DNAH9: variants seen among roughly 807,000 people sequenced by gnomAD.
DNAH9 encodes the protein dynein axonemal heavy chain 9, also known as DNAH9 variant protein.
Under a neutral mutation model 471.6 loss-of-function variants are expected in DNAH9, and 345 were observed. The ratio of observed to expected loss-of-function variants is 0.73; its 90% CI spans 0.67 to 0.80. The LOEUF (loss-of-function observed/expected upper bound fraction) is 0.80. Among genes scored for constraint, DNAH9 ranks in the 30% least tolerant of loss-of-function variants. DNAH9 has a pLI of 0.00. For synonymous variants in DNAH9, 2,093 were observed against 2,123.6 expected, an observed-to-expected ratio of 0.99 and a Z score of 0.40; for missense variants, 5,407 against 5,609.2, an observed-to-expected ratio of 0.96 and a Z score of 1.15.
chr17:11,703,090 CAAA>C (rs535913798), intron 24 of DNAH9, among the ~76,000 whole-genome samples: 3 of 87,854 alleles, frequency 3.4e-5, no homozygotes, highest in Non-Finnish European at 2.4e-5. Context: ...GAGACTGTCT[CAAA>C]AAAAAAAAAA....
intron 61 of DNAH9, among the ~76,000 whole-genome samples, chr17:11,918,647 G>A (rs971823575): frequency 1.3e-5 from 2 of 152,206 alleles, no homozygotes; most frequent in Non-Finnish European, 2.9e-5. Flanking sequence ...ACTGATTTGT[G>A]CATGTGCTGG....
Position 11,768,485 on chromosome 17 carries a change from G to C in DNAH9, c.7203G>C (p.Trp2401Cys), listed in dbSNP as rs1248484634. 2.5e-6 allele frequency: 4 copies of C among 1,613,976 alleles called. No individual in the cohort carries two copies. Among genetic ancestry groups the C allele is most frequent in the Non-Finnish European group, 3.4e-6 (4 of 1,179,966 alleles). ...LVDYRAEFSK[W>C]WLTEFKTVKF... The stretch of plus-strand genomic sequence containing the variant: ...ACTACCGGGCAGAGTTCAGCAAATG[G>C]TGGCTGACTGAGTTCAAAACAGTCA... The change falls in exon 37 of 69, where the codon TGG becomes TGC. Residue 2401 changes from tryptophan to cysteine, a missense_variant. Transcript: ENST00000262442.
At chr17:11,963,430 G>A (rs1053173397) in intron 68 of DNAH9, among the ~76,000 whole-genome samples, 35 of 149,688 alleles carry the variant, frequency 2.3e-4, no homozygotes, top group South Asian at 1.7e-3. Context: ...GCAAAACTCC[G>A]TCTCAAAAAA....
intron 51 of DNAH9, 137 bp from the exon 52 acceptor site, chr17:11,871,461 A>G (rs769822129): frequency 4.1e-6 from 3 of 737,574 alleles, no homozygotes; most frequent in Non-Finnish European, 6.8e-6. Context: ...ATCCCCATTA[A>G]CGGAAAGGGC....
chr17:11,667,046 A>G (rs945683143), intron 15 of DNAH9, among the ~76,000 whole-genome samples: 1 of 152,198 alleles, frequency 6.6e-6, no homozygotes, highest in African/African-American at 2.4e-5. Context: ...TGGAACCAGG[A>G]CAATCTGCTT....
Position 11,781,100 on chromosome 17 carries a change from C to T in DNAH9, c.7644C>T (p.Asn2548=), listed in dbSNP as rs1403310615. ...KKLIYFIDDM[N]MPEVDAYGTV... is the part of the protein sequence containing the mutation. Reference sequence around the variant, plus strand: ...TCATCTATTTCATTGATGACATGAACATGCCTGAGGTGGATGCCTACGGGA... The same window carrying T: ...TCATCTATTTCATTGATGACATGAATATGCCTGAGGTGGATGCCTACGGGA... The change falls in exon 39 of 69, where the codon AAC becomes AAT. Residue 2548 remains asparagine, a synonymous_variant. Transcript: ENST00000262442. 1 of 1,614,204 alleles carries T rather than the reference C, an allele frequency of 6.2e-7. No individual in the cohort carries two copies. The highest frequency in any genetic ancestry group is 1.7e-5 in the Admixed American group (1 of 60,028).
intron 50 of DNAH9, among the ~76,000 whole-genome samples, chr17:11,866,731 C>T (rs1597757267): frequency 1.3e-5 from 2 of 152,246 alleles, no homozygotes; most frequent in Admixed American, 6.5e-5. Flanking sequence ...ATGGCGGGCG[C>T]CCCTCCCCCA....
At chr17:11,655,735 C>G (rs1406696341) in intron 14 of DNAH9, among the ~76,000 whole-genome samples, 1 of 151,572 alleles carries the variant, frequency 6.6e-6, no homozygotes, top group African/African-American at 2.4e-5. Context: ...GAATTGGAGA[C>G]CATTATTCTA....
chr17:11,780,935 T>C, intron 38 of DNAH9, 74 bp from the exon 39 acceptor site: 3 of 1,494,118 alleles, frequency 2.0e-6, no homozygotes. Flanking sequence ...TGCTTCTCCT[T>C]GAAATCTTTG....
intron 67 of DNAH9, among the ~76,000 whole-genome samples, chr17:11,954,935 T>C (rs1370647915): frequency 1.3e-5 from 2 of 152,092 alleles, no homozygotes; most frequent in East Asian, 3.9e-4. Context: ...TTAAAAATAA[T>C]AGACTGTTTA....
intron 62 of DNAH9, among the ~76,000 whole-genome samples, chr17:11,924,820 C>T (rs1456340993): frequency 6.6e-6 from 1 of 151,946 alleles, no homozygotes; most frequent in Non-Finnish European, 1.5e-5. Flanking sequence ...GACAGGGTTT[C>T]ACCATGTTGG....
In DNAH9 at chr17:11,704,203, G is replaced by T; in HGVS notation, c.5152G>T (p.Val1718Leu). 1 of 1,614,080 alleles carries T rather than the reference G, an allele frequency of 6.2e-7. No individual in the cohort carries two copies. Among genetic ancestry groups the T allele is most frequent in the Non-Finnish European group, 8.5e-7 (1 of 1,180,002 alleles). Residue 1718 changes from valine (V) to leucine (L), a missense_variant and splice_region_variant, in exon 25 of 69, where the codon GTG becomes TTG. Val to Leu is a conservative substitution (Grantham distance 32). This residue lies in a region of DNAH9 where 4,636 missense variants were observed against 4,900.3 expected (regional missense o/e 0.95). Coordinates refer to ENST00000262442, the MANE Select transcript of DNAH9 (RefSeq NM_001372.4). ...TACTAGGCAACTCTTGCTGCCACAG[G>T]TGGCCCTGACCTGTACTCAGATCTG... ...EQWLFDHPAQ[V>L]ALTCTQIWWT... is the part of the protein sequence containing the mutation.
rs1259630722 is a variant in DNAH9 at position 11,948,482 on chromosome 17, G to A, written c.12843+5997G>A. 3.9e-5 allele frequency among the ~76,000 whole-genome samples: 6 copies of A among 151,990 alleles called. No individual in the cohort carries two copies. The East Asian group carries it at 5.8e-4, about 15-fold the overall frequency. On this transcript the variant is annotated intron_variant, in intron 67 of 68. Transcript: ENST00000262442. ...TGACCTCAAGTGATCCACCCGCCTCGGCCTCCCAACGTGCTGGGATTACAG... is the reference window on the plus strand; with the variant it reads ...TGACCTCAAGTGATCCACCCGCCTCAGCCTCCCAACGTGCTGGGATTACAG...
Position 11,834,649 on chromosome 17 carries a change from G to C in DNAH9, c.9258G>C (p.Leu3086=). 1 of 1,614,042 alleles carries C rather than the reference G, an allele frequency of 6.2e-7. No individual in the cohort carries two copies. Among genetic ancestry groups the C allele is most frequent in the South Asian group, 1.1e-5 (1 of 91,030 alleles). ...CTTCTCCAATGCAGGTGGATGATCT[G>C]AAAGCAAAGCTGGCTGCCCAGGAAG... ...LHSTSAQVDD[L]KAKLAAQEVE... is the part of the protein sequence containing the mutation. Residue 3086 remains leucine (L), a synonymous_variant, in exon 49 of 69, where the codon CTG becomes CTC. Coordinates refer to ENST00000262442, the MANE Select transcript of DNAH9 (RefSeq NM_001372.4).
At chr17:11,828,145 A>G (rs918506481) in intron 48 of DNAH9, among the ~76,000 whole-genome samples, 1 of 152,088 alleles carries the variant, frequency 6.6e-6, no homozygotes, top group Non-Finnish European at 1.5e-5. Context: ...TCTGTAGTCT[A>G]TTCTCAGCTG....
At chr17:11,907,615 G>A (rs1450486432) in intron 61 of DNAH9, among the ~76,000 whole-genome samples, 1 of 152,088 alleles carries the variant, frequency 6.6e-6, no homozygotes, top group Admixed American at 6.6e-5. Flanking sequence ...CAGAATGGCT[G>A]GGAGGCTTAG....
chr17:11,959,566 G>A (rs1459207582), intron 67 of DNAH9, among the ~76,000 whole-genome samples: 1 of 152,140 alleles, frequency 6.6e-6, no homozygotes, highest in Non-Finnish European at 1.5e-5. Context: ...CTAAAGCAGA[G>A]ATTCCAAACA....
chr17:11,818,539 G>A (rs1970192041), intron 45 of DNAH9, among the ~76,000 whole-genome samples: 4 of 152,002 alleles, frequency 2.6e-5, no homozygotes, highest in South Asian at 4.1e-4. Flanking sequence ...ACAGAAGAAG[G>A]TAAAAGCATG....
intron 1 of DNAH9, among the ~76,000 whole-genome samples, chr17:11,603,686 G>T (rs1354916770): frequency 6.6e-6 from 1 of 152,000 alleles, no homozygotes; most frequent in Non-Finnish European, 1.5e-5. Context: ...CTATGTTTAT[G>T]ACCCCCTTCA....
Sources: allele counts gnomAD v4.1 joint callset (sites outside exome capture counted in the v4.1 genomes callset), GRCh38; gene constraint gnomAD v4.1.1; regional missense constraint gnomAD v4.1.1; transcripts MANE v1.5; gene names NCBI Gene and HGNC (gene_info 2026-07-23, HGNC 2026-07-21).